MARF1: variants seen among roughly 807,000 people sequenced by gnomAD.
MARF1 encodes the protein meiosis regulator and mRNA stability factor 1.
In MARF1, 24 loss-of-function variants were observed where a neutral mutation model predicts 168.2. That is an observed-to-expected ratio of 0.14 (90% confidence interval 0.10 to 0.20). The LOEUF is 0.20. MARF1 is among the 10% of genes least tolerant of loss of function. The probability of loss-of-function intolerance (pLI) is 1.00; values close to 1 mark genes in which losing one functional copy is unlikely to be tolerated. For synonymous variants in MARF1, 868 were observed against 822.4 expected (o/e 1.06, Z -0.95); for missense variants, 1,744 against 2,143.6 (o/e 0.81, Z 3.68).
intron 21 of MARF1, among the ~76,000 whole-genome samples, chr16:15,606,842 C>G (rs1364825290): frequency 6.6e-6 from 1 of 152,200 alleles, no homozygotes; most frequent in East Asian, 1.9e-4. Flanking sequence ...CCCAAATCCT[C>G]CCTTGCTCCC....
chr16:15,606,479 T>C (rs2033023955), intron 21 of MARF1, among the ~76,000 whole-genome samples: 1 of 151,958 alleles, frequency 6.6e-6, no homozygotes, highest in African/African-American at 2.4e-5. Context: ...ATCAAGCCAC[T>C]CTCCACTCAC....
At chr16:15,633,175 CCACACACA>C (rs140240605) in intron 5 of MARF1, among the ~76,000 whole-genome samples, 15 of 136,928 alleles carry the variant, frequency 1.1e-4, no homozygotes, top group South Asian at 7.1e-4. Context: ...AAAAAAAACA[CCACACACA>C]CACACACACA....
intron 22 of MARF1, 38 bp downstream of exon 22, chr16:15,604,130 T>A (rs1567533846): frequency 1.4e-6 from 2 of 1,467,750 alleles, no homozygotes; most frequent in Non-Finnish European, 1.9e-6. Context: ...AATCGATAGT[T>A]TTCAATGATA....
intron 14 of MARF1, 46 bp downstream of exon 14, chr16:15,617,253 A>C (rs908337481): frequency 5.0e-6 from 8 of 1,609,466 alleles, no homozygotes; most frequent in Non-Finnish European, 6.8e-6. Flanking sequence ...CATGTTCCAC[A>C]ATCTTATAGA....
At chr16:15,598,414 G>A (rs2031990141) in intron 26 of MARF1, among the ~76,000 whole-genome samples, 1 of 152,116 alleles carries the variant, frequency 6.6e-6, no homozygotes, top group African/African-American at 2.4e-5. Flanking sequence ...ATATCACTGG[G>A]CAGAGTCCGG....
At position 15,598,914 on chromosome 16, in the gene MARF1, G is replaced by C. The variant is rs986361943; in HGVS notation, c.4924C>G (p.Pro1642Ala). 5 of 1,613,808 alleles carry C rather than the reference G, an allele frequency of 3.1e-6. No homozygotes were observed. In the African/African-American group the frequency reaches 6.7e-5, roughly 22 times the overall value. ...CLPSPQLRPD[P>A]VILQSADLIQ... The stretch of plus-strand genomic sequence containing the variant: ...AGATCAGCAGATTGGAGGATAACGG[G>C]GTCTGGTCTCAGCTGAGGGGACGGC... The change falls in exon 26 of 27, where the codon CCC (proline) becomes GCC (alanine). Residue 1642 changes from proline to alanine, a missense_variant. Coordinates refer to ENST00000396368, the MANE Select transcript of MARF1 (RefSeq NM_014647.4).
chr16:15,635,372 A>C (rs1461704495), intron 3 of MARF1: 3 of 465,924 alleles, frequency 6.4e-6, no homozygotes, highest in East Asian at 3.4e-5. Context: ...ATCGTGCTTT[A>C]GCCTTTAAAC....
Position 15,617,366 on chromosome 16 carries a change from T to C in MARF1, c.2890A>G (p.Ile964Val), listed in dbSNP as rs1032978379. The C allele has an allele frequency of 1.2e-6, 2 of 1,614,184 alleles. No individual in the cohort carries two copies. Among genetic ancestry groups the C allele is most frequent in the Admixed American group, 1.7e-5 (1 of 60,020 alleles). Residue 964 changes from isoleucine (I) to valine (V), a missense_variant, in exon 14 of 27, where the codon ATT becomes GTT. By Grantham distance (29) the Ile-to-Val change is conservative (BLOSUM62 3). Coordinates refer to ENST00000396368, the MANE Select transcript of MARF1 (RefSeq NM_014647.4). ...HDGSSTNCSPIIFEELEYHEP... is the reference protein window; with the variant it reads ...HDGSSTNCSPVIFEELEYHEP... ...TGATATTCTAACTCTTCAAATATAA[T>C]TGGGCTGCAATTCGTGGAGGAGCCG...
intron 7 of MARF1, among the ~76,000 whole-genome samples, chr16:15,626,297 CAA>C (rs1311812289): frequency 6.6e-6 from 1 of 152,036 alleles, no homozygotes; most frequent in Non-Finnish European, 1.5e-5. Context: ...ACTGAGGTGA[CAA>C]AAATATTCTA....
chr16:15,611,614 C>T lies in MARF1; in HGVS notation c.3595G>A (p.Glu1199Lys). Residue 1199 changes from glutamate (E) to lysine (K), a missense_variant, in exon 18 of 27, where the codon GAA (glutamate) becomes AAA (lysine). Physicochemically the swap from Glu to Lys is moderately conservative, Grantham distance 56. This residue lies in a region of MARF1 where 543 missense variants were observed against 742.1 expected (regional missense o/e 0.73). Transcript: ENST00000396368. ...CACCAGTGATAAGCCTGTGAGAATT[C>T]TCTCACAATGACCTGTTTGCTGGCC... is the stretch of plus-strand genomic sequence containing the variant. ...SQASKQVIVR[E>K]FSQAYHWCFS... 1 of 1,613,800 alleles carries T rather than the reference C, an allele frequency of 6.2e-7. No individual in the cohort carries two copies. Among genetic ancestry groups the T allele is most frequent in the Non-Finnish European group, 8.5e-7 (1 of 1,179,834 alleles).
chr16:15,614,186 T>A lies in MARF1; in HGVS notation c.3254-1409A>T, dbSNP rs74487790. Among the ~76,000 whole-genome samples the A allele has an allele frequency of 1.5e-4, 23 of 152,118 alleles. No homozygotes were observed. In the East Asian group the frequency reaches 3.3e-3, roughly 22 times the overall value. ...AAATACCTGAAAGTACTTTTTTTTT[T>A]AAAGACAGAGTTTCGGCCAGGTGCG... On this transcript the variant is annotated intron_variant, in intron 16 of 26. Coordinates refer to ENST00000396368, the MANE Select transcript of MARF1 (RefSeq NM_014647.4).
At chr16:15,626,820 G>A (rs2034879265) in intron 7 of MARF1, among the ~76,000 whole-genome samples, 1 of 152,088 alleles carries the variant, frequency 6.6e-6, no homozygotes, top group Middle Eastern at 3.4e-3. Flanking sequence ...AAAGTTAGCT[G>A]AGCAAAGTGG....
In MARF1 at chr16:15,633,184, C is replaced by T. The variant is rs542200499; in HGVS notation, c.1233+433G>A. The stretch of plus-strand genomic sequence containing the variant: ...AAAAAAAAAAAAAACACCACACACA[C>T]ACACACACACACACACACACACGTA... On this transcript the variant is annotated intron_variant, in intron 5 of 26. Transcript: ENST00000396368. 3.3e-5 allele frequency among the ~76,000 whole-genome samples: 5 copies of T among 149,730 alleles called. No individual in the cohort carries two copies. In the South Asian group the frequency reaches 1.1e-3, roughly 32 times the overall value.
rs531485989 is a variant in MARF1 at position 15,612,617 on chromosome 16, C to G, written c.3414G>C (p.Val1138=). ...TCAGCTTGGAGTATCCGTAGTCTGACACTCGGCACTGCTTTGCAAAATGAT... is the reference window on the plus strand; with the variant it reads ...TCAGCTTGGAGTATCCGTAGTCTGAGACTCGGCACTGCTTTGCAAAATGAT... ...YHHHFAKQCR[V]SDYGYSKLIE... is the part of the protein sequence containing the mutation. The change falls in exon 17 of 27, where the codon GTG becomes GTC. Residue 1138 remains valine (V), a synonymous_variant. Coordinates refer to ENST00000396368, the MANE Select transcript of MARF1 (RefSeq NM_014647.4). 4 of 1,614,170 alleles carry G rather than the reference C, an allele frequency of 2.5e-6. No homozygotes were observed. In the Admixed American group the frequency reaches 6.7e-5, roughly 27 times the overall value.
chr16:15,612,494 G>A (rs1200130538), intron 17 of MARF1, 63 bp downstream of exon 17: 6 of 1,394,634 alleles, frequency 4.3e-6, no homozygotes, highest in Non-Finnish European at 6.1e-6. Context: ...CTTTGATGGA[G>A]GCAGCCAAAG....
In MARF1 at chr16:15,600,681, A is replaced by T; in HGVS notation, c.4647T>A (p.His1549Gln). The T allele has an allele frequency of 6.2e-7, 1 of 1,613,812 alleles. No individual in the cohort carries two copies. Among genetic ancestry groups the T allele is most frequent in the Non-Finnish European group, 8.5e-7 (1 of 1,180,028 alleles). ...TTAACACTACAATTCTCTTATGACCATGTCCTTTTATCCAGACCACCTGCA... is the reference window on the plus strand; with the variant it reads ...TTAACACTACAATTCTCTTATGACCTTGTCCTTTTATCCAGACCACCTGCA... ...AIPQVVWIKGHGHKRIVVLKN... is the reference protein window; with the variant it reads ...AIPQVVWIKGQGHKRIVVLKN... Residue 1549 changes from histidine (H) to glutamine (Q), a missense_variant, in exon 24 of 27, where the codon CAT becomes CAA. By Grantham distance (24) the His-to-Gln change is conservative. This residue lies in a region of MARF1 where 313 missense variants were observed against 337.4 expected (regional missense o/e 0.93). Transcript: ENST00000396368.
At chr16:15,638,225 C>T (rs1402960542) in intron 2 of MARF1, among the ~76,000 whole-genome samples, 1 of 152,136 alleles carries the variant, frequency 6.6e-6, no homozygotes. Flanking sequence ...TACAGTCTCA[C>T]TTGAATCCCA....
chr16:15,599,730 A>G (rs1051228031), intron 25 of MARF1, among the ~76,000 whole-genome samples: 5 of 152,204 alleles, frequency 3.3e-5, no homozygotes, highest in Non-Finnish European at 4.4e-5. Flanking sequence ...TCTATCTGAA[A>G]TCTATGTGAC....
intron 7 of MARF1, among the ~76,000 whole-genome samples, chr16:15,628,799 T>G (rs1421131929): frequency 6.6e-6 from 1 of 152,110 alleles, no homozygotes; most frequent in Non-Finnish European, 1.5e-5. Flanking sequence ...ACTTTTCCTA[T>G]TACACCTGGG....
Sources: allele counts gnomAD v4.1 joint callset (sites outside exome capture counted in the v4.1 genomes callset), GRCh38; gene constraint gnomAD v4.1.1; regional missense constraint gnomAD v4.1.1; transcripts MANE v1.5; gene names NCBI Gene and HGNC (gene_info 2026-07-23, HGNC 2026-07-21).